CNKSR2: variants seen among roughly 807,000 people sequenced by gnomAD.
The protein encoded by CNKSR2 is connector enhancer of kinase suppressor of Ras 2.
CNKSR2 carries 14 observed loss-of-function variants against 84.4 expected under a neutral mutation model. The observed-to-expected ratio is 0.17, with a 90% CI of 0.11 to 0.26. The LOEUF is 0.26. Among genes scored for constraint, CNKSR2 ranks in the 10% least tolerant of loss-of-function variants. The pLI, the probability that CNKSR2 is intolerant of heterozygous loss-of-function variation, is 1.00. For missense variants in CNKSR2, 485 were observed against 771.2 expected (o/e 0.63, Z 4.40); for synonymous variants, 275 against 277.9 (o/e 0.99, Z 0.10).
chrX:21,638,379 A>G, intron 20 of CNKSR2, among the ~76,000 whole-genome samples: 1 of 112,100 alleles, frequency 8.9e-6, no homozygotes, highest in Middle Eastern at 4.6e-3. Flanking sequence ...GTTTAAATTC[A>G]TAAAGCAAAA....
chrX:21,476,273 G>A (rs935343573), intron 5 of CNKSR2, among the ~76,000 whole-genome samples: 1 of 111,335 alleles, frequency 9.0e-6, no homozygotes, highest in African/African-American at 3.3e-5. Context: ...TAAACTGAGA[G>A]CAAAGTGAAC....
intron 1 of CNKSR2, among the ~76,000 whole-genome samples, chrX:21,410,001 AAAT>A (rs1459207927): frequency 2.8e-5 from 3 of 108,390 alleles, no homozygotes; most frequent in Admixed American, 9.8e-5. Flanking sequence ...CGGCATAGCT[AAAT>A]AATCTAGAAA....
At chrX:21,491,959 C>T (rs937792567) in intron 6 of CNKSR2, 9 of 110,889 alleles carry the variant, frequency 8.1e-5, no homozygotes, top group Non-Finnish European at 1.3e-4. Context: ...GAAGTCAGAA[C>T]ACCCAGATAC....
chrX:21,627,784 A>G (rs986144686), intron 20 of CNKSR2, among the ~76,000 whole-genome samples: 2 of 111,619 alleles, frequency 1.8e-5, no homozygotes, highest in South Asian at 7.6e-4. Context: ...CCATGGGAAT[A>G]ATGGGAGCTA....
chrX:21,483,642 A>G (rs1437436716), intron 5 of CNKSR2, among the ~76,000 whole-genome samples: 3 of 106,437 alleles, frequency 2.8e-5, no homozygotes, highest in Admixed American at 1.0e-4. Flanking sequence ...GAGTTGGAGA[A>G]TGTGTATATG....
At chrX:21,646,494 A>G (rs2092707344) in intron 20 of CNKSR2, among the ~76,000 whole-genome samples, 1 of 111,965 alleles carries the variant, frequency 8.9e-6, no homozygotes, top group African/African-American at 3.2e-5. Context: ...GTATTTCACA[A>G]GCTTTAAGAA....
chrX:21,619,689 A>G (rs1171146448), intron 20 of CNKSR2, among the ~76,000 whole-genome samples: 2 of 110,143 alleles, frequency 1.8e-5, no homozygotes, highest in Admixed American at 9.7e-5. Flanking sequence ...TCTGTAACTT[A>G]CGAAATGGAC....
chrX:21,507,072 C>A (rs1190078635), intron 8 of CNKSR2, among the ~76,000 whole-genome samples: 1 of 108,505 alleles, frequency 9.2e-6, no homozygotes, highest in African/African-American at 3.3e-5. Flanking sequence ...TAGGAGTAGG[C>A]AATCAGTAGA....
intron 1 of CNKSR2, among the ~76,000 whole-genome samples, chrX:21,390,263 TTAGGGCAGATATTTAGTTACC>T (rs1414919172): frequency 9.9e-5 from 11 of 111,639 alleles, no homozygotes; most frequent in African/African-American, 3.6e-4. Flanking sequence ...ACACATTTAC[TTAGGGCAGATATTTAGTTACC>T]TAGGGCAGTA....
intron 11 of CNKSR2, among the ~76,000 whole-genome samples, chrX:21,536,484 A>G (rs192288323): frequency 2.6e-4 from 29 of 110,974 alleles, no homozygotes; most frequent in African/African-American, 9.4e-4. Context: ...GAAGCCAGCA[A>G]TGAAGTCATC....
chrX:21,563,905 T>C (rs552611236), intron 13 of CNKSR2, among the ~76,000 whole-genome samples: 2 of 111,009 alleles, frequency 1.8e-5, no homozygotes, highest in Admixed American at 9.6e-5. Context: ...AAAGACATGC[T>C]GAGAGTCCCA....
intron 20 of CNKSR2, among the ~76,000 whole-genome samples, chrX:21,620,084 C>G (rs2092595156): frequency 9.0e-6 from 1 of 111,226 alleles, no homozygotes; most frequent in Admixed American, 9.6e-5. Context: ...AGGATTTTGC[C>G]TCAGCACTAG....
intron 20 of CNKSR2, among the ~76,000 whole-genome samples, chrX:21,631,431 G>A (rs746647345): frequency 8.9e-6 from 1 of 112,420 alleles, no homozygotes; most frequent in Admixed American, 9.4e-5. Flanking sequence ...TTCCTTCGAA[G>A]TTCTACTTTA....
intron 8 of CNKSR2, among the ~76,000 whole-genome samples, chrX:21,513,343 C>T (rs1601885687): frequency 3.6e-5 from 4 of 111,670 alleles, no homozygotes; most frequent in African/African-American, 6.5e-5. Context: ...AGAGATGTAA[C>T]GGAACCATGT....
chrX:21,562,643 A>G lies in CNKSR2; in HGVS notation c.1394-595A>G, dbSNP rs763173771. On this transcript the variant is annotated intron_variant, in intron 12 of 21. Transcript: ENST00000379510. ...AAAAGAGAAATGCTTATCACATGCT[A>G]TCTCAGAGTCACTGTTTTGGGACTT... Among the ~76,000 whole-genome samples the G allele has an allele frequency of 4.5e-5, 5 of 111,783 alleles. No individual in the cohort carries two copies. The East Asian group carries it at 1.1e-3, about 25-fold the overall frequency.
At chrX:21,585,403 A>G (rs1027155034) in intron 13 of CNKSR2, among the ~76,000 whole-genome samples, 2 of 107,921 alleles carry the variant, frequency 1.9e-5, no homozygotes, top group African/African-American at 6.7e-5. Context: ...GGCTTAGACC[A>G]GGGTGGTAAT....
At chrX:21,539,910 T>C (rs1292661252) in intron 11 of CNKSR2, among the ~76,000 whole-genome samples, 1 of 112,452 alleles carries the variant, frequency 8.9e-6, no homozygotes, top group Non-Finnish European at 1.9e-5. Context: ...AACAGTTTAA[T>C]GTATTTACCT....
chrX:21,628,619 C>T (rs762191087), intron 20 of CNKSR2, among the ~76,000 whole-genome samples: 191 of 112,070 alleles, frequency 1.7e-3, no homozygotes, highest in African/African-American at 5.8e-3. Context: ...GGGGCTTCCA[C>T]CCTCTGAAGC....
At chrX:21,570,757 G>A (rs765530667) in intron 13 of CNKSR2, among the ~76,000 whole-genome samples, 1 of 112,257 alleles carries the variant, frequency 8.9e-6, no homozygotes, top group African/African-American at 3.2e-5. Flanking sequence ...CTGAGGAGAG[G>A]AAAAGAGATC....
Sources: gnomAD v4.1 joint callset for allele counts (sites outside exome capture counted in the v4.1 genomes callset) on GRCh38, gnomAD v4.1.1 for gene constraint, MANE v1.5 for transcripts, NCBI Gene and HGNC (gene_info 2026-07-23, HGNC 2026-07-21) for gene names.